HAVCR1: variants seen among roughly 807,000 people sequenced by gnomAD.
The protein encoded by HAVCR1 is T cell immunoglobin domain and mucin domain protein 1.
HAVCR1 carries 34 observed loss-of-function variants against 32.0 expected under a neutral mutation model. The ratio of observed to expected loss-of-function variants is 1.06; its 90% confidence interval spans 0.81 to 1.42. The LOEUF (loss-of-function observed/expected upper bound fraction) is 1.42, where lower values mean the gene tolerates loss of function less well. Ranked by LOEUF, HAVCR1 falls within the 40% of genes most tolerant of loss-of-function variation. HAVCR1 has a pLI of 0.00. For missense variants in HAVCR1, 420 were observed against 442.3 expected (o/e 0.95, Z 0.45); for synonymous variants, 178 against 170.3 (o/e 1.05, Z -0.35).
upstream of HAVCR1, among the ~76,000 whole-genome samples, chr5:157,060,359 C>T (rs930745363): frequency 6.6e-6 from 1 of 152,136 alleles, no homozygotes; most frequent in Non-Finnish European, 1.5e-5. Flanking sequence ...CTAGAGCTTT[C>T]TTTCCAACTT....
rs1300528684 is a variant in HAVCR1 at position 157,029,617 on chromosome 5, C to A, written c.*116G>T. The A allele has an allele frequency of 6.5e-7, 1 of 1,548,126 alleles. No individual in the cohort carries two copies. Among genetic ancestry groups the A allele is most frequent in the Admixed American group, 1.9e-5 (1 of 51,800 alleles). Reference sequence around the variant, plus strand: ...CCAGTATCACTGACATGTTGGAATGCCAGATGAAACTGAAACAGAAAAATT... The same window carrying A: ...CCAGTATCACTGACATGTTGGAATGACAGATGAAACTGAAACAGAAAAATT... On this transcript the variant is annotated 3_prime_UTR_variant, in exon 9 of 9. Transcript: ENST00000523175.
At chr5:157,060,605 C>T (rs1756463730), upstream of HAVCR1, among the ~76,000 whole-genome samples, 1 of 152,120 alleles carries the variant, frequency 6.6e-6, no homozygotes, top group African/African-American at 2.4e-5. Flanking sequence ...TCTATTCCCT[C>T]CTATAGAGTG....
At chr5:157,031,650 T>C (rs1282465264) in intron 8 of HAVCR1, among the ~76,000 whole-genome samples, 2 of 151,810 alleles carry the variant, frequency 1.3e-5, no homozygotes, top group African/African-American at 2.4e-5. Context: ...CAGAACCCCG[T>C]CTCTATTAAA....
At position 157,052,360 on chromosome 5, in the gene HAVCR1, C is replaced by T; in HGVS notation, c.673+1G>A. ...TGGGCTTCCAAACACATCTGTTTTA[C>T]CTGGTTCATGGTTCTGCCTGGGCAA... On this transcript the variant is annotated splice_donor_variant, in intron 4 of 8. Coordinates refer to ENST00000523175, the MANE Select transcript of HAVCR1 (RefSeq NM_001173393.3). LOFTEE classifies it high-confidence loss of function. 6.2e-7 allele frequency: 1 copy of T among 1,613,976 alleles called. No individual in the cohort carries two copies. Among genetic ancestry groups the T allele is most frequent in the South Asian group, 1.1e-5 (1 of 91,080 alleles).
At chr5:157,067,089 G>T in the HAVCR1 span, among the ~76,000 whole-genome samples, 70 of 152,308 alleles carry the variant, frequency 4.6e-4, no homozygotes, top group African/African-American at 1.7e-3. Context: ...GAGAGCAAAT[G>T]AAGTAAGGAC....
chr5:157,065,186 G>A, the HAVCR1 span, among the ~76,000 whole-genome samples: 11 of 152,154 alleles, frequency 7.2e-5, no homozygotes, highest in African/African-American at 2.4e-4. Context: ...AGGCGTGGTG[G>A]CAGGTGCCTG....
intron 5 of HAVCR1, among the ~76,000 whole-genome samples, chr5:157,043,957 A>G (rs932681131): frequency 4.6e-5 from 7 of 152,222 alleles, no homozygotes; most frequent in African/African-American, 1.7e-4. Flanking sequence ...ATAGGGCTCA[A>G]CATGAATAAA....
chr5:157,051,995 C>T (rs1266650945), intron 4 of HAVCR1, among the ~76,000 whole-genome samples: 2 of 152,216 alleles, frequency 1.3e-5, no homozygotes, highest in Non-Finnish European at 2.9e-5. Context: ...GACACTATCT[C>T]ATTTATCTGA....
intron 4 of HAVCR1, among the ~76,000 whole-genome samples, chr5:157,050,875 G>T (rs890811057): frequency 9.2e-5 from 14 of 152,120 alleles, no homozygotes; most frequent in African/African-American, 3.1e-4. Context: ...CAACCCTTCA[G>T]ATCTCTCCTG....
At position 157,055,443 on chromosome 5, in the gene HAVCR1, CA is replaced by C. The variant is rs748532028; in HGVS notation, c.136del (p.Cys46AlafsTer45). 22 of 1,611,532 alleles carry C rather than the reference CA, an allele frequency of 1.4e-5. No individual in the cohort carries two copies. The South Asian group carries it at 2.3e-4, about 17-fold the overall frequency. ...TAGAGAACATGAGCCTCTATTCCAG[CA>C]CATGGATGTGACAGCTCCACTGTAG... ...CHYSGAVTSM[C>X]WNRGSCSLFT... is the part of the protein sequence containing the mutation. On this transcript the variant is annotated frameshift_variant, in exon 3 of 9. Transcript: ENST00000523175. LOFTEE classifies it high-confidence loss of function.
chr5:157,044,192 C>A (rs183339688), intron 5 of HAVCR1, among the ~76,000 whole-genome samples: 1 of 151,526 alleles, frequency 6.6e-6, no homozygotes, highest in African/African-American at 2.4e-5. Flanking sequence ...AATTAGCCAG[C>A]GTGATGCTGC....
chr5:157,054,190 C>CAAAAAA (rs900551230), intron 3 of HAVCR1, among the ~76,000 whole-genome samples: 14 of 42,126 alleles, frequency 3.3e-4, no homozygotes, highest in Non-Finnish European at 5.2e-4. Context: ...GACTCCATCT[C>CAAAAAA]AAAAAAAAAA....
intron 3 of HAVCR1, among the ~76,000 whole-genome samples, chr5:157,052,931 T>G (rs1407063803): frequency 6.6e-6 from 1 of 152,120 alleles, no homozygotes; most frequent in Non-Finnish European, 1.5e-5. Context: ...AGCACTTTTT[T>G]GGGGGCAGGG....
chr5:157,056,531 C>T lies in HAVCR1; in HGVS notation c.47-998G>A, dbSNP rs543538020. 8.6e-5 allele frequency among the ~76,000 whole-genome samples: 13 copies of T among 151,974 alleles called. No homozygotes were observed. The East Asian group carries it at 2.1e-3, about 25-fold the overall frequency. ...AGCAGCTGAGACTACAGGCACACGC[C>T]GCCACGCCCGGCTAATTTTTTTGTA... On this transcript the variant is annotated intron_variant, in intron 2 of 8. Transcript: ENST00000523175.
chr5:157,067,746 T>C, the HAVCR1 span, among the ~76,000 whole-genome samples: 1 of 152,146 alleles, frequency 6.6e-6, no homozygotes, highest in African/African-American at 2.4e-5. Context: ...TGGAGTGCAA[T>C]GGCTCGATCT....
intron 5 of HAVCR1, among the ~76,000 whole-genome samples, chr5:157,046,494 T>C (rs1056580230): frequency 3.3e-5 from 5 of 152,180 alleles, no homozygotes; most frequent in Admixed American, 6.5e-5. Context: ...ATAGTAAGGA[T>C]TGTTTGGAGC....
At chr5:157,038,351 A>AGC (rs1754664288) in intron 6 of HAVCR1, among the ~76,000 whole-genome samples, 1 of 152,080 alleles carries the variant, frequency 6.6e-6, no homozygotes, top group Non-Finnish European at 1.5e-5. Context: ...TCCTAAAGAG[A>AGC]GCCCACCGGG....
chr5:157,051,043 T>C (rs925713947), intron 4 of HAVCR1, among the ~76,000 whole-genome samples: 6 of 152,220 alleles, frequency 3.9e-5, no homozygotes, highest in Non-Finnish European at 8.8e-5. Context: ...CTAAAAGTTA[T>C]CTTTTAAATC....
Position 157,029,727 on chromosome 5 carries a change from T to C in HAVCR1, c.*6A>G. 1 of 1,613,014 alleles carries C rather than the reference T, an allele frequency of 6.2e-7. No individual in the cohort carries two copies. The highest frequency in any genetic ancestry group is 8.5e-7 in the Non-Finnish European group (1 of 1,179,836). ...GGCGTAAACTCTCAAAGAGCACCAC[T>C]GGGTCTTAGTCCGTGGCATAAAGAC... On this transcript the variant is annotated 3_prime_UTR_variant, in exon 9 of 9. Transcript: ENST00000523175.
Sources: gnomAD v4.1 joint callset for allele counts (sites outside exome capture counted in the v4.1 genomes callset) on GRCh38, gnomAD v4.1.1 for gene constraint, MANE v1.5 for transcripts, NCBI Gene and HGNC (gene_info 2026-07-23, HGNC 2026-07-21) for gene names.